RPRD1A: variants seen among roughly 807,000 people sequenced by gnomAD.
The protein encoded by RPRD1A is regulation of nuclear pre-mRNA domain-containing protein 1A.
Under a neutral mutation model 37.8 loss-of-function variants are expected in RPRD1A, and 9 were observed. The observed-to-expected ratio is 0.24, with a 90% CI of 0.14 to 0.42. The LOEUF (loss-of-function observed/expected upper bound fraction) is 0.42, where lower values mean the gene tolerates loss of function less well. Among genes scored for constraint, RPRD1A ranks in the 10% least tolerant of loss-of-function variants. The pLI, the probability that RPRD1A is intolerant of heterozygous loss-of-function variation, is 1.00. For synonymous variants in RPRD1A, 138 were observed against 139.7 expected (o/e 0.99, Z 0.08); for missense variants, 255 against 371.0 (o/e 0.69, Z 2.57).
At chr18:36,064,130 C>G (rs1199815731) in intron 1 of RPRD1A, 1 of 152,312 alleles carries the variant, frequency 6.6e-6, no homozygotes, top group African/African-American at 2.4e-5. Context: ...TCCTCGGCCT[C>G]GGCGTCTGCT....
intron 1 of RPRD1A, among the ~76,000 whole-genome samples, chr18:36,057,406 G>A (rs1359171989): frequency 2.6e-5 from 4 of 152,050 alleles, no homozygotes; most frequent in Non-Finnish European, 4.4e-5. Flanking sequence ...CCAGGAGTTT[G>A]AGACCAGCCT....
At chr18:36,043,714 T>C (rs945789917) in intron 1 of RPRD1A, among the ~76,000 whole-genome samples, 3 of 151,432 alleles carry the variant, frequency 2.0e-5, no homozygotes, top group Non-Finnish European at 4.4e-5. Context: ...AGAAATAATA[T>C]TGACTACAAT....
At chr18:36,030,439 T>C (rs1911693658) in intron 4 of RPRD1A, among the ~76,000 whole-genome samples, 2 of 151,326 alleles carry the variant, frequency 1.3e-5, no homozygotes, top group Admixed American at 1.3e-4. Flanking sequence ...GCCAAGATAG[T>C]GCCACTGAAC....
intron 6 of RPRD1A, among the ~76,000 whole-genome samples, chr18:36,018,055 C>A (rs1468877706): frequency 6.6e-6 from 1 of 152,206 alleles, no homozygotes; most frequent in Non-Finnish European, 1.5e-5. Context: ...AAATGCTCAA[C>A]TGCAGCTCTA....
At chr18:36,017,525 C>G (rs1049169731) in intron 6 of RPRD1A, among the ~76,000 whole-genome samples, 1 of 152,194 alleles carries the variant, frequency 6.6e-6, no homozygotes, top group African/African-American at 2.4e-5. Flanking sequence ...TTCAAGTGCC[C>G]TCCACAATGT....
At chr18:36,042,238 T>C (rs536109442) in intron 1 of RPRD1A, among the ~76,000 whole-genome samples, 2 of 152,286 alleles carry the variant, frequency 1.3e-5, no homozygotes, top group East Asian at 3.9e-4. Context: ...CCTGAGATGC[T>C]TTCATAGCAC....
chr18:35,995,432 A>AT (rs1908989060), intron 6 of RPRD1A, among the ~76,000 whole-genome samples: 1 of 151,114 alleles, frequency 6.6e-6, no homozygotes, highest in Non-Finnish European at 1.5e-5. Context: ...CACCCCACTA[A>AT]TTTTTTTGTA....
chr18:36,045,785 T>C (rs1350608421), intron 1 of RPRD1A, among the ~76,000 whole-genome samples: 1 of 152,174 alleles, frequency 6.6e-6, no homozygotes, highest in Non-Finnish European at 1.5e-5. Context: ...AAACATTCCT[T>C]GGGAATCACA....
intron 1 of RPRD1A, among the ~76,000 whole-genome samples, chr18:36,043,015 CGAGA>C (rs1027263285): frequency 5.9e-4 from 90 of 152,026 alleles, no homozygotes; most frequent in African/African-American, 2.1e-3. Context: ...ATGACAGCAT[CGAGA>C]AAGAACTGAA....
chr18:36,001,215 G>A (rs915395436), intron 6 of RPRD1A, among the ~76,000 whole-genome samples: 18 of 152,198 alleles, frequency 1.2e-4, no homozygotes, highest in African/African-American at 4.1e-4. Context: ...CAGGAAAGCT[G>A]AACCTCCTAA....
intron 6 of RPRD1A, among the ~76,000 whole-genome samples, chr18:36,019,838 G>C (rs949284425): frequency 4.6e-5 from 7 of 152,194 alleles, no homozygotes; most frequent in Non-Finnish European, 8.8e-5. Flanking sequence ...TCAGGAGTTT[G>C]AGACAAGCCT....
chr18:36,042,747 T>C (rs1262582751), intron 1 of RPRD1A, among the ~76,000 whole-genome samples: 2 of 152,170 alleles, frequency 1.3e-5, no homozygotes, highest in African/African-American at 4.8e-5. Flanking sequence ...TTCAACCTAC[T>C]AGAGTGACCA....
At position 35,991,243 on chromosome 18, in the gene RPRD1A, T is replaced by A. The variant is rs2144122840; in HGVS notation, c.*1908A>T. ...TCAAGATATTGAAAATAAGTTAACATACAAGTTTTTGCTTTCACATTAATA... is the reference window on the plus strand; with the variant it reads ...TCAAGATATTGAAAATAAGTTAACAAACAAGTTTTTGCTTTCACATTAATA... On this transcript the variant is annotated 3_prime_UTR_variant, in exon 7 of 7. Transcript: ENST00000399022. The A allele has an allele frequency of 6.6e-6, 1 of 152,324 alleles. No homozygotes were observed. The highest frequency in any genetic ancestry group is 2.1e-4 in the South Asian group (1 of 4,832). 9.4% of individuals were successfully genotyped at this position (152,324 alleles called of 1,614,324 possible). A position where few individuals can be genotyped will look rare whatever the true frequency, so the allele number is the denominator to read the frequency against.
At chr18:36,064,599 G>A (rs74788048) in intron 1 of RPRD1A, among the ~76,000 whole-genome samples, 5,727 of 151,962 alleles carry the variant, frequency 0.038, 373 homozygotes, top group African/African-American at 0.13. Context: ...AATCAGTGCT[G>A]TGTGTCTCGC....
Position 35,992,372 on chromosome 18 carries a change from A to G in RPRD1A, c.*779T>C, listed in dbSNP as rs887035579. On this transcript the variant is annotated 3_prime_UTR_variant, in exon 7 of 7. Coordinates refer to ENST00000399022, the MANE Select transcript of RPRD1A (RefSeq NM_018170.5). The stretch of plus-strand genomic sequence containing the variant: ...AAGGAAACTGATTTGACAAATAGAA[A>G]CCAGTTCCAGAACCAAAGTTGTCCT... The G allele has an allele frequency of 2.0e-5, 3 of 152,202 alleles. No individual in the cohort carries two copies. The highest frequency in any genetic ancestry group is 7.2e-5 in the African/African-American group (3 of 41,450). The allele number at this position is 152,202 out of a possible 1,614,324, so 9.4% of individuals were successfully genotyped here. A position where few individuals can be genotyped will look rare whatever the true frequency, so the allele number is the denominator to read the frequency against.
intron 6 of RPRD1A, among the ~76,000 whole-genome samples, chr18:35,996,469 CT>C (rs985472294): frequency 1.3e-5 from 2 of 152,048 alleles, no homozygotes; most frequent in African/African-American, 4.8e-5. Flanking sequence ...TCAACTTTTA[CT>C]AAAAAGTGAA....
At chr18:36,035,540 A>G (rs2144313210) in intron 1 of RPRD1A, among the ~76,000 whole-genome samples, 1 of 152,358 alleles carries the variant, frequency 6.6e-6, no homozygotes, top group South Asian at 2.1e-4. Context: ...GCTTCCTGTC[A>G]TAATTAAAAG....
chr18:36,061,107 C>A (rs1028217893), intron 1 of RPRD1A, among the ~76,000 whole-genome samples: 8 of 152,320 alleles, frequency 5.3e-5, no homozygotes, highest in Middle Eastern at 3.4e-3. Context: ...CCCCCCTACC[C>A]CCGCAACTTG....
intron 6 of RPRD1A, among the ~76,000 whole-genome samples, chr18:35,996,977 C>CAAAAAAAAAA (rs200694089): frequency 2.3e-4 from 13 of 55,620 alleles, no homozygotes; most frequent in African/African-American, 9.8e-4. Flanking sequence ...GACCCTGTCT[C>CAAAAAAAAAA]AAAAAAAAAA....
Sources: gnomAD v4.1 joint callset for allele counts (sites outside exome capture counted in the v4.1 genomes callset) on GRCh38, gnomAD v4.1.1 for gene constraint, MANE v1.5 for transcripts, NCBI Gene and HGNC (gene_info 2026-07-23, HGNC 2026-07-21) for gene names.